The following RAD21 variants were observed in gnomAD, a reference collection of about 807,000 sequenced individuals.
RAD21 encodes the protein RAD21 cohesin complex component.
Under a neutral mutation model 71.5 loss-of-function variants are expected in RAD21, and 18 were observed. That is an observed-to-expected ratio of 0.25 (90% CI 0.17 to 0.37). The LOEUF (loss-of-function observed/expected upper bound fraction) is 0.37. Ranked by LOEUF, RAD21 falls within the 10% of genes least tolerant of loss-of-function variation. The pLI is 1.00. For synonymous variants in RAD21, 248 were observed against 254.0 expected, an observed-to-expected ratio of 0.98 and a Z score of 0.22; for missense variants, 493 against 769.1, an observed-to-expected ratio of 0.64 and a Z score of 4.25.
intron 1 of RAD21, 51 bp from the exon 2 acceptor site, chr8:116,866,812 C>A: frequency 4.8e-6 from 6 of 1,246,212 alleles, no homozygotes; most frequent in Non-Finnish European, 6.3e-6. Flanking sequence ...AATTTAAATA[C>A]TTATCAAGAC....
intron 3 of RAD21, 40 bp from the exon 4 acceptor site, chr8:116,861,980 T>C (rs1274422033): frequency 6.8e-7 from 1 of 1,460,376 alleles, no homozygotes; most frequent in South Asian, 1.1e-5. Context: ...TAGCTACCCA[T>C]AAATTATCTA....
rs569158559 is a variant in RAD21 at position 116,871,006 on chromosome 8, G to C, written c.-33+3605C>G. Among the ~76,000 whole-genome samples, 9 of 152,286 alleles carry C rather than the reference G, an allele frequency of 5.9e-5. No individual in the cohort carries two copies. The South Asian group carries it at 1.7e-3, about 28-fold the overall frequency. On this transcript the variant is annotated intron_variant, in intron 1 of 13. Transcript: ENST00000297338. ...ACAGAAGCCTGTTTGGCATAGGATG[G>C]GGCTAAGGAAGGCAGAGTGATGCTA...
intron 2 of RAD21, among the ~76,000 whole-genome samples, chr8:116,864,072 T>C (rs1812644396): frequency 6.6e-6 from 1 of 152,152 alleles, no homozygotes; most frequent in South Asian, 2.1e-4. Context: ...CCAGAAAATA[T>C]ACTCCCAACC....
chr8:116,849,266 A>C (rs894337713), intron 12 of RAD21: 1 of 415,368 alleles, frequency 2.4e-6, no homozygotes, highest in Non-Finnish European at 4.2e-6. Flanking sequence ...GGCTGAAAGT[A>C]TGCTTCTATA....
chr8:116,858,221 C>T, intron 5 of RAD21, 131 bp downstream of exon 5: 8 of 680,054 alleles, frequency 1.2e-5, no homozygotes, highest in Non-Finnish European at 1.9e-5. Context: ...AAGCCAAATT[C>T]TTTTCTTGAT....
In RAD21 at chr8:116,869,528, C is replaced by T. The variant is rs551215930; in HGVS notation, c.-32-2767G>A. On this transcript the variant is annotated intron_variant, in intron 1 of 13. Coordinates refer to ENST00000297338, the MANE Select transcript of RAD21 (RefSeq NM_006265.3). ...TGAACCCAGGCTGTGGAGGTTGCAG[C>T]GAGCTGAGATCGCGACACTGCATTC... is the stretch of plus-strand genomic sequence containing the variant. Among the ~76,000 whole-genome samples, 13 of 151,982 alleles carry T rather than the reference C, an allele frequency of 8.6e-5. No individual in the cohort carries two copies. In the East Asian group the frequency reaches 2.1e-3, roughly 25 times the overall value.
intron 12 of RAD21, 127 bp downstream of exon 12, chr8:116,850,491 T>C (rs1404429554): frequency 5.7e-6 from 8 of 1,415,662 alleles, no homozygotes; most frequent in South Asian, 2.8e-5. Context: ...TGGTAAAATT[T>C]TGCTTATATT....
At chr8:116,861,252 TAC>T (rs1812586823) in intron 4 of RAD21, among the ~76,000 whole-genome samples, 3 of 151,890 alleles carry the variant, frequency 2.0e-5, no homozygotes, top group African/African-American at 2.4e-5. Context: ...CTTGGAAAGC[TAC>T]AGTCACGTTC....
rs775266057 is a variant in RAD21, at chr8:116,847,532, C to T, written c.1864G>A (p.Ala622Thr). ...ATATGGAACCTTGGTCCAGGTGTTG[C>T]GATGATGTCACTGTACGGTTCTTCC... The part of the protein sequence containing the change: ...TQEEPYSDII[A>T]TPGPRFHII Residue 622 changes from alanine to threonine, a missense_variant, in exon 14 of 14, where the codon GCA (alanine) becomes ACA (threonine). By Grantham distance (58) the Ala-to-Thr change is moderately conservative. Transcript: ENST00000297338. 6.2e-7 allele frequency: 1 copy of T among 1,612,808 alleles called. No homozygotes were observed. The highest frequency in any genetic ancestry group is 8.5e-7 in the Non-Finnish European group (1 of 1,179,502).
In RAD21 at chr8:116,852,727, A is replaced by G; in HGVS notation, c.1162-19T>C. ...TAAAGAGCTATTAAAAAAAAAAAAA[A>G]GAAAAATTTCAATTATAAAATAAAT... On this transcript the variant is annotated intron_variant, in intron 9 of 13. Transcript: ENST00000297338. 3 of 1,442,850 alleles carry G rather than the reference A, an allele frequency of 2.1e-6. No homozygotes were observed. Among genetic ancestry groups the G allele is most frequent in the Non-Finnish European group, 2.8e-6 (3 of 1,089,922 alleles). The allele number at this position is 1,442,850 out of a possible 1,614,324, so 89.4% of individuals were successfully genotyped here.
chr8:116,864,657 T>C (rs188218014), intron 2 of RAD21, among the ~76,000 whole-genome samples: 25 of 152,252 alleles, frequency 1.6e-4, no homozygotes, highest in Admixed American at 1.1e-3. Flanking sequence ...TTAATATTGA[T>C]TGAACCTTCA....
intron 5 of RAD21, 27 bp from the exon 6 acceptor site, chr8:116,857,500 T>C: frequency 1.3e-6 from 2 of 1,572,288 alleles, no homozygotes; most frequent in Non-Finnish European, 1.7e-6. Context: ...TTGTCATTAG[T>C]TTAGAAAGAT....
rs34449446 is a variant in RAD21 at position 116,858,232 on chromosome 8, GAA to G, written c.481+118_481+119del. 4.2e-4 allele frequency: 298 copies of G among 716,508 alleles called. No homozygotes were observed. The African/African-American group carries it at 5.0e-3, about 12-fold the overall frequency. The allele number at this position is 716,508 out of a possible 1,614,324, so 44.4% of individuals were successfully genotyped here. A position where few individuals can be genotyped will look rare whatever the true frequency, so the allele number is the denominator to read the frequency against. The stretch of plus-strand genomic sequence containing the variant: ...TAGAAAGCCAAATTCTTTTCTTGAT[GAA>G]AATGCATTACATGAAATTTTAAGTC... On this transcript the variant is annotated intron_variant, in intron 5 of 13. Coordinates refer to ENST00000297338, the MANE Select transcript of RAD21 (RefSeq NM_006265.3).
At chr8:116,853,994 GTAT>G (rs1461144009) in intron 9 of RAD21, among the ~76,000 whole-genome samples, 3 of 152,054 alleles carry the variant, frequency 2.0e-5, no homozygotes, top group African/African-American at 7.3e-5. Context: ...ACAGAGAGAA[GTAT>G]TATTAAACAC....
At chr8:116,873,256 C>T (rs542933315) in intron 1 of RAD21, among the ~76,000 whole-genome samples, 6 of 149,062 alleles carry the variant, frequency 4.0e-5, no homozygotes, top group Admixed American at 3.9e-4. Flanking sequence ...TTTTGTAATT[C>T]TGACTTGTGT....
At chr8:116,855,933 A>C (rs559610146) in intron 8 of RAD21, among the ~76,000 whole-genome samples, 1 of 152,176 alleles carries the variant, frequency 6.6e-6, no homozygotes, top group African/African-American at 2.4e-5. Context: ...TCTACAAAAT[A>C]CTCAAAATTA....
chr8:116,872,563 C>A (rs933189150), intron 1 of RAD21, among the ~76,000 whole-genome samples: 2 of 148,808 alleles, frequency 1.3e-5, no homozygotes, highest in African/African-American at 5.1e-5. Context: ...CACACACACA[C>A]ACATATTTTA....
In RAD21 at chr8:116,850,670, G is replaced by C; in HGVS notation, c.1568C>G (p.Pro523Arg). The change falls in exon 12 of 14, where the codon CCA (proline) becomes CGA (arginine). Residue 523 changes from proline to arginine, a missense_variant. Pro to Arg is a moderately radical substitution (Grantham distance 103, BLOSUM62 -2). Coordinates refer to ENST00000297338, the MANE Select transcript of RAD21 (RefSeq NM_006265.3). ...CQLIPELELL[P>R]EKEKEKEKEK... is the part of the protein sequence containing the mutation. ...CTTCTCTTTCTCCTTCTCTTTTTCT[G>C]GCAGAAGTTCTAACTCTGGTATTAG... 1 of 1,611,724 alleles carries C rather than the reference G, an allele frequency of 6.2e-7. No individual in the cohort carries two copies. The highest frequency in any genetic ancestry group is 8.5e-7 in the Non-Finnish European group (1 of 1,178,266).
rs35902828 is a variant in RAD21 at position 116,856,292 on chromosome 8, TAAAAAAA to T, written c.815-11_815-5del. 4.9e-5 allele frequency: 58 copies of T among 1,175,488 alleles called. No individual in the cohort carries two copies. Among genetic ancestry groups the T allele is most frequent in the Middle Eastern group, 2.8e-4 (1 of 3,542 alleles). 72.8% of individuals were successfully genotyped at this position (1,175,488 alleles called of 1,614,324 possible). On this transcript the variant is annotated splice_polypyrimidine_tract_variant and splice_region_variant and intron_variant, in intron 7 of 13. Coordinates refer to ENST00000297338, the MANE Select transcript of RAD21 (RefSeq NM_006265.3). ...TCAGGACTATCAGGCCCACCCACTGTAAAAAAAAAAAAAAAAAAAAAAAGTCACAAAA... is the reference window on the plus strand; with the variant it reads ...TCAGGACTATCAGGCCCACCCACTGTAAAAAAAAAAAAAAAAGTCACAAAA...
Sources: gnomAD v4.1 joint callset for allele counts (sites outside exome capture counted in the v4.1 genomes callset) on GRCh38, gnomAD v4.1.1 for gene constraint, MANE v1.5 for transcripts, NCBI Gene and HGNC (gene_info 2026-07-23, HGNC 2026-07-21) for gene names.